Variants in NOTCH2 observed in about 807,000 individuals in gnomAD.
NOTCH2 encodes neurogenic locus notch homolog protein 2.
Under a neutral mutation model 235.8 loss-of-function variants are expected in NOTCH2, and 29 were observed. The ratio of observed to expected loss-of-function variants is 0.12; its 90% CI spans 0.09 to 0.17. The LOEUF is 0.17. NOTCH2 is among the 10% of genes least tolerant of loss of function. The probability of loss-of-function intolerance (pLI) is 1.00; values close to 1 mark genes in which losing one functional copy is unlikely to be tolerated. For synonymous variants in NOTCH2, 1,086 were observed against 1,141.5 expected (o/e 0.95, Z 0.98); for missense variants, 2,285 against 3,150.2 (o/e 0.73, Z 6.57).
Position 120,028,459 on chromosome 1 carries a change from T to C in NOTCH2, c.155+1447A>G, listed in dbSNP as rs367928673. Among the ~76,000 whole-genome samples, 590 of 152,246 alleles carry C rather than the reference T, an allele frequency of 3.9e-3. 5 individuals are homozygous for C. The highest frequency in any genetic ancestry group is 4.3e-3 in the Non-Finnish European group (291 of 68,016). On this transcript the variant is annotated intron_variant, in intron 2 of 33. Transcript: ENST00000256646. ...GCACCACGTTTTTTTTTCCCCCAGC[T>C]AGAAAAACTAAATGAGCAGCCCATA...
intron 3 of NOTCH2, among the ~76,000 whole-genome samples, chr1:119,999,926 AG>A (rs1652653492): frequency 1.4e-5 from 1 of 73,666 alleles, no homozygotes; most frequent in South Asian, 5.5e-4. Context: ...AGAGAAAGAA[AG>A]AAAGAAAGAA....
chr1:119,944,396 G>A (rs782578162), intron 17 of NOTCH2, among the ~76,000 whole-genome samples: 6 of 152,034 alleles, frequency 3.9e-5, no homozygotes, highest in Non-Finnish European at 7.4e-5. Flanking sequence ...TCAGCCGGGC[G>A]TGGTGGCGGG....
At chr1:119,996,902 C>A in intron 4 of NOTCH2, 95 bp downstream of exon 4, 1 of 1,478,932 alleles carries the variant, frequency 6.8e-7, no homozygotes, top group South Asian at 1.2e-5. Context: ...TTCCCTTTTT[C>A]CTTGGGCTTC....
chr1:120,004,787 T>C (rs1652896161), intron 3 of NOTCH2, among the ~76,000 whole-genome samples: 1 of 152,224 alleles, frequency 6.6e-6, no homozygotes, highest in African/African-American at 2.4e-5. Context: ...CATATTTTTT[T>C]TTTGAGACAG....
chr1:119,970,998 AC>A (rs782225635), intron 5 of NOTCH2, among the ~76,000 whole-genome samples: 4 of 152,232 alleles, frequency 2.6e-5, no homozygotes, highest in Non-Finnish European at 5.9e-5. Flanking sequence ...CTATCTCTAG[AC>A]CCAGAATACC....
intron 5 of NOTCH2, among the ~76,000 whole-genome samples, chr1:119,970,285 C>A (rs922571051): frequency 1.3e-5 from 2 of 151,974 alleles, no homozygotes; most frequent in African/African-American, 4.8e-5. Context: ...TATAACTGCA[C>A]AAAACTACAA....
intron 23 of NOTCH2, among the ~76,000 whole-genome samples, chr1:119,927,414 C>A (rs1340403588): frequency 6.6e-6 from 1 of 152,200 alleles, no homozygotes; most frequent in Non-Finnish European, 1.5e-5. Context: ...ACAGCAGCAG[C>A]CGCTAACCAA....
chr1:120,025,018 C>T lies in NOTCH2; in HGVS notation c.155+4888G>A, dbSNP rs1366564457. ...TTTACAGTTTTGTTTTTTTTTTTAT[C>T]GTGAAGGTACACCCCAGTTCATGCA... On this transcript the variant is annotated intron_variant, in intron 2 of 33. Coordinates refer to ENST00000256646, the MANE Select transcript of NOTCH2 (RefSeq NM_024408.4). 4.6e-5 allele frequency among the ~76,000 whole-genome samples: 7 copies of T among 150,674 alleles called. No homozygotes were observed. The East Asian group carries it at 1.2e-3, about 25-fold the overall frequency.
At chr1:119,996,226 TG>T (rs1652439505) in intron 4 of NOTCH2, 1 of 176,834 alleles carries the variant, frequency 5.7e-6, no homozygotes, top group Non-Finnish European at 1.2e-5. Context: ...TCCCTCTCCA[TG>T]GAACACCAGG....
At chr1:119,934,352 T>C (rs79191746) in intron 22 of NOTCH2, among the ~76,000 whole-genome samples, 1,913 of 152,312 alleles carry the variant, frequency 0.013, 44 homozygotes, top group African/African-American at 0.044. Context: ...GGTATTCTTT[T>C]ATAGCAACAT....
chr1:119,929,235 A>T (rs375868550), intron 22 of NOTCH2, 23 bp from the exon 23 acceptor site: 2 of 1,591,734 alleles, frequency 1.3e-6, no homozygotes, highest in Non-Finnish European at 1.7e-6. Flanking sequence ...GAAGAGGTAC[A>T]GAATTATGAA....
chr1:119,950,286 T>C lies in NOTCH2; in HGVS notation c.2479+438A>G, dbSNP rs935266652. 27 of 357,404 alleles carry C rather than the reference T, an allele frequency of 7.6e-5. 1 individual carries two copies. Among genetic ancestry groups the C allele is most frequent in the South Asian group, 4.3e-4 (20 of 46,374 alleles). 22.1% of individuals were successfully genotyped at this position (357,404 alleles called of 1,614,324 possible). On this transcript the variant is annotated intron_variant, in intron 15 of 33. Coordinates refer to ENST00000256646, the MANE Select transcript of NOTCH2 (RefSeq NM_024408.4). The stretch of plus-strand genomic sequence containing the variant: ...AGCCTCCTCATGTGTAAAATGGCAA[T>C]AGGAACTTCTACATTGTAGAATTAT...
chr1:119,928,184 A>T (rs937032183), intron 23 of NOTCH2, among the ~76,000 whole-genome samples: 3 of 152,080 alleles, frequency 2.0e-5, no homozygotes, highest in Non-Finnish European at 4.4e-5. Flanking sequence ...TTGTGATAAG[A>T]CCCCTATTCT....
chr1:119,978,492 G>A (rs1651683416), intron 5 of NOTCH2, among the ~76,000 whole-genome samples: 1 of 152,196 alleles, frequency 6.6e-6, no homozygotes. Flanking sequence ...TTCAAGAACT[G>A]CAGAGTCCAG....
chr1:119,975,708 T>TA lies in NOTCH2; in HGVS notation c.875-5965dup, dbSNP rs587766912. On this transcript the variant is annotated intron_variant, in intron 5 of 33. Transcript: ENST00000256646. ...GGCAGTAAATATAACAGGGTGAACCTAAGAGGTCTGTGCTGAAATAGAAAC... is the reference window on the plus strand; with the variant it reads ...GGCAGTAAATATAACAGGGTGAACCTAAAGAGGTCTGTGCTGAAATAGAAAC... 6.2e-4 allele frequency among the ~76,000 whole-genome samples: 93 copies of TA among 150,374 alleles called. 1 individual carries two copies. Among genetic ancestry groups the TA allele is most frequent in the Middle Eastern group, 7.0e-3 (2 of 286 alleles).
chr1:119,941,793 C>T (rs1240240729), intron 17 of NOTCH2, 39 bp from the exon 18 acceptor site: 1 of 1,439,608 alleles, frequency 6.9e-7, no homozygotes, highest in Non-Finnish European at 9.8e-7. Context: ...TGAAGAGTAG[C>T]ATCAGTTTAA....
At chr1:119,938,750 C>T (rs1375892928) in intron 19 of NOTCH2, among the ~76,000 whole-genome samples, 1 of 152,024 alleles carries the variant, frequency 6.6e-6, no homozygotes, top group Non-Finnish European at 1.5e-5. Context: ...GCGCTATCTC[C>T]GCTAACTGCA....
intron 9 of NOTCH2, 86 bp from the exon 10 acceptor site, chr1:119,965,652 G>C: frequency 1.1e-6 from 1 of 947,666 alleles, no homozygotes; most frequent in Non-Finnish European, 1.7e-6. Context: ...TACTAGCAGG[G>C]CTTATACCAA....
chr1:119,931,824 G>A (rs1187115513), intron 22 of NOTCH2, among the ~76,000 whole-genome samples: 1 of 151,484 alleles, frequency 6.6e-6, no homozygotes, highest in African/African-American at 2.4e-5. Context: ...TTTTAAAAGT[G>A]ATAAATTCAA....
Sources: gnomAD v4.1 joint callset for allele counts (sites outside exome capture counted in the v4.1 genomes callset) on GRCh38, gnomAD v4.1.1 for gene constraint, MANE v1.5 for transcripts, NCBI Gene and HGNC (gene_info 2026-07-23, HGNC 2026-07-21) for gene names.